Variants in FHIT observed in about 807,000 individuals in gnomAD.
The protein encoded by FHIT is fragile histidine triad diadenosine triphosphatase, also known as bis(5'-adenosyl)-triphosphatase.
A neutral mutation model predicts 17.9 loss-of-function variants in FHIT; 19 were observed. The observed-to-expected ratio is 1.06, with a 90% CI of 0.74 to 1.56. The LOEUF (loss-of-function observed/expected upper bound fraction) is 1.56. Among genes scored for constraint, FHIT ranks in the 40% most tolerant of loss-of-function variants. The pLI is 0.00. For missense variants in FHIT, 248 were observed against 189.2 expected (o/e 1.31, Z -1.82); for synonymous variants, 81 against 69.7 (o/e 1.16, Z -0.81).
chr3:60,891,589 C>T (rs1447091025), intron 3 of FHIT, among the ~76,000 whole-genome samples: 1 of 152,132 alleles, frequency 6.6e-6, no homozygotes, highest in Non-Finnish European at 1.5e-5. Flanking sequence ...TTCTAGAAGT[C>T]ATACGTGTCT....
At chr3:59,881,995 A>G (rs928237352) in intron 8 of FHIT, among the ~76,000 whole-genome samples, 4 of 152,218 alleles carry the variant, frequency 2.6e-5, no homozygotes, top group African/African-American at 7.2e-5. Flanking sequence ...AATTATTCAC[A>G]TGAAGAACTT....
chr3:60,206,545 A>C (rs1225213441), intron 5 of FHIT, among the ~76,000 whole-genome samples: 1 of 152,188 alleles, frequency 6.6e-6, no homozygotes, highest in Non-Finnish European at 1.5e-5. Flanking sequence ...AATTAAACCT[A>C]ATGCATCACA....
At chr3:60,902,943 T>C (rs1360043530) in intron 3 of FHIT, among the ~76,000 whole-genome samples, 19 of 152,116 alleles carry the variant, frequency 1.2e-4, no homozygotes, top group African/African-American at 4.1e-4. Context: ...ACACAAAAAA[T>C]GGTTTTGACA....
intron 4 of FHIT, among the ~76,000 whole-genome samples, chr3:60,664,540 A>G (rs1418965693): frequency 1.3e-5 from 2 of 152,084 alleles, no homozygotes; most frequent in South Asian, 2.1e-4. Context: ...TAGAAAAGAT[A>G]ATATAAAATT....
At chr3:60,099,045 C>G (rs889703315) in intron 5 of FHIT, among the ~76,000 whole-genome samples, 2 of 152,268 alleles carry the variant, frequency 1.3e-5, no homozygotes, top group East Asian at 3.9e-4. Flanking sequence ...CACTGGCTCT[C>G]AAAGCCTCTC....
chr3:60,332,549 A>G (rs768550834), intron 5 of FHIT, among the ~76,000 whole-genome samples: 39 of 152,312 alleles, frequency 2.6e-4, no homozygotes, highest in East Asian at 1.9e-4. Context: ...GGATCTAGGA[A>G]TGGGTGTTAA....
chr3:60,302,593 G>C (rs1708496875), intron 5 of FHIT, among the ~76,000 whole-genome samples: 1 of 152,102 alleles, frequency 6.6e-6, no homozygotes, highest in South Asian at 2.1e-4. Context: ...AACAAATATG[G>C]TTGATTAGTA....
chr3:60,826,294 TTTTTGTTTTG>T (rs142138204), intron 3 of FHIT, among the ~76,000 whole-genome samples: 6,359 of 149,286 alleles, frequency 0.043, 386 homozygotes, highest in African/African-American at 0.13. Flanking sequence ...GAGGTTAGTT[TTTTTGTTTTG>T]TTTTGTTTTG....
At chr3:61,118,687 T>G (rs1198619340) in intron 2 of FHIT, among the ~76,000 whole-genome samples, 1 of 152,224 alleles carries the variant, frequency 6.6e-6, no homozygotes, top group Non-Finnish European at 1.5e-5. Flanking sequence ...ATTGTCAGTG[T>G]GTCAGTTCCC....
chr3:60,662,880 C>T (rs2107827938), intron 4 of FHIT, among the ~76,000 whole-genome samples: 1 of 151,782 alleles, frequency 6.6e-6, no homozygotes, highest in Non-Finnish European at 1.5e-5. Context: ...ACATTTAATT[C>T]TATGATCCAC....
At chr3:59,959,964 G>C (rs75645647) in intron 7 of FHIT, among the ~76,000 whole-genome samples, 6,276 of 152,180 alleles carry the variant, frequency 0.041, 212 homozygotes, top group Admixed American at 0.095. Context: ...TGGAGGAAGG[G>C]AATATAAAGT....
intron 2 of FHIT, among the ~76,000 whole-genome samples, chr3:61,141,518 T>C (rs1329947850): frequency 1.4e-5 from 2 of 145,154 alleles, no homozygotes; most frequent in African/African-American, 2.4e-5. Context: ...ATCCGTTCAT[T>C]TGAAAGTCAA....
At chr3:60,026,771 G>C (rs537262770) in intron 5 of FHIT, among the ~76,000 whole-genome samples, 19 of 152,086 alleles carry the variant, frequency 1.2e-4, no homozygotes, top group Admixed American at 6.6e-4. Flanking sequence ...TGTTTAGACA[G>C]CACAGAACAC....
At chr3:59,876,530 T>C (rs557820413) in intron 8 of FHIT, among the ~76,000 whole-genome samples, 2 of 152,206 alleles carry the variant, frequency 1.3e-5, no homozygotes, top group South Asian at 4.2e-4. Context: ...CAATGTTCCA[T>C]TGTCAGTCAA....
chr3:60,102,830 A>G (rs1374588652), intron 5 of FHIT, among the ~76,000 whole-genome samples: 1 of 152,184 alleles, frequency 6.6e-6, no homozygotes, highest in Non-Finnish European at 1.5e-5. Flanking sequence ...AAAGAGAAAA[A>G]AATGACACAT....
chr3:60,507,307 G>T lies in FHIT; in HGVS notation c.103+29553C>A, dbSNP rs542333865. Among the ~76,000 whole-genome samples, 5 of 152,290 alleles carry T rather than the reference G, an allele frequency of 3.3e-5. No individual in the cohort carries two copies. The East Asian group carries it at 9.7e-4, about 29-fold the overall frequency. ...CTAAAGGAAACACGATTTGGTGGAG[G>T]AATGAAAGAGGCTAGTATGGCTGGG... On this transcript the variant is annotated intron_variant, in intron 5 of 9. Transcript: ENST00000492590.
chr3:60,322,127 G>A lies in FHIT; in HGVS notation c.103+214733C>T, dbSNP rs148268972. The stretch of plus-strand genomic sequence containing the variant: ...TCCAGGTACAGCCCATAGAAATACC[G>A]TGGGCCCAACAGCTTATTTTCATTA... On this transcript the variant is annotated intron_variant, in intron 5 of 9. Coordinates refer to ENST00000492590, the MANE Select transcript of FHIT (RefSeq NM_002012.4). 1.4e-3 allele frequency among the ~76,000 whole-genome samples: 218 copies of A among 152,256 alleles called. 1 individual carries two copies. The highest frequency in any genetic ancestry group is 4.2e-3 in the African/African-American group (176 of 41,550).
chr3:60,630,724 T>A (rs6765371), intron 4 of FHIT, among the ~76,000 whole-genome samples: 112,062 of 151,932 alleles, frequency 0.74, 41,565 homozygotes, highest in South Asian at 0.84. Context: ...GCTCATCTAG[T>A]TCTCCAGCTT....
At chr3:59,993,200 G>T (rs893919290) in intron 7 of FHIT, among the ~76,000 whole-genome samples, 3 of 151,964 alleles carry the variant, frequency 2.0e-5, no homozygotes, top group Non-Finnish European at 4.4e-5. Flanking sequence ...CTCCTTGGTC[G>T]TTACGACATG....
Sources: allele counts gnomAD v4.1 joint callset (sites outside exome capture counted in the v4.1 genomes callset), GRCh38; gene constraint gnomAD v4.1.1; transcripts MANE v1.5; gene names NCBI Gene and HGNC (gene_info 2026-07-23, HGNC 2026-07-21).